Variants in ROCK2 observed in about 807,000 individuals in gnomAD.
ROCK2 encodes the protein Rho associated coiled-coil containing protein kinase 2, also known as rho-associated protein kinase 2.
ROCK2 carries 61 observed loss-of-function variants against 195.1 expected under a neutral mutation model. That is an observed-to-expected ratio of 0.31 (90% CI 0.25 to 0.39). The LOEUF (loss-of-function observed/expected upper bound fraction) is 0.39, where lower values mean the gene tolerates loss of function less well. Among genes scored for constraint, ROCK2 ranks in the 10% least tolerant of loss-of-function variants. ROCK2 has a pLI of 1.00. For synonymous variants in ROCK2, 504 were observed against 545.5 expected (o/e 0.92, Z 1.06); for missense variants, 1,109 against 1,637.4 (o/e 0.68, Z 5.57).
chr2:11,271,344 T>A (rs1666621034), intron 3 of ROCK2, among the ~76,000 whole-genome samples: 1 of 152,176 alleles, frequency 6.6e-6, no homozygotes, highest in South Asian at 2.1e-4. Flanking sequence ...CTGGGTCCCC[T>A]GCAAGTTTTT....
chr2:11,217,198 G>A (rs371015618), intron 11 of ROCK2, 29 bp from the exon 12 acceptor site: 48 of 1,117,708 alleles, frequency 4.3e-5, no homozygotes, highest in African/African-American at 4.0e-4. Context: ...CTGTAATTAC[G>A]TATTTTGGTC....
chr2:11,217,362 C>A, intron 11 of ROCK2, 193 bp from the exon 12 acceptor site: 1 of 684,438 alleles, frequency 1.5e-6, no homozygotes, highest in Non-Finnish European at 2.7e-6. Flanking sequence ...TGCTTTCTAT[C>A]AGAGTACACA....
chr2:11,229,529 C>T (rs1431487509), intron 5 of ROCK2, among the ~76,000 whole-genome samples: 1 of 149,314 alleles, frequency 6.7e-6, no homozygotes, highest in Admixed American at 6.7e-5. Context: ...TTGCATGGCT[C>T]TATCTCCTAA....
chr2:11,273,083 G>A (rs1572344108), intron 3 of ROCK2, among the ~76,000 whole-genome samples: 1 of 19,014 alleles, frequency 5.3e-5, no homozygotes, highest in African/African-American at 1.5e-4. Context: ...AGAAATGCAG[G>A]AAATAAGGGT....
chr2:11,269,087 A>G (rs888948517), intron 3 of ROCK2, among the ~76,000 whole-genome samples: 1 of 152,118 alleles, frequency 6.6e-6, no homozygotes, highest in Admixed American at 6.5e-5. Context: ...TTTCAGCTCT[A>G]GAAATTTTTT....
intron 1 of ROCK2, among the ~76,000 whole-genome samples, chr2:11,325,626 A>G (rs1182290071): frequency 1.3e-5 from 2 of 152,198 alleles, no homozygotes; most frequent in Non-Finnish European, 2.9e-5. Flanking sequence ...AAGTTAGATC[A>G]CAAACAATTT....
intron 3 of ROCK2, among the ~76,000 whole-genome samples, chr2:11,263,588 C>A: frequency 8.0e-6 from 1 of 125,266 alleles, no homozygotes; most frequent in Non-Finnish European, 1.7e-5. Context: ...TTCCTGCATC[C>A]AAAGTTTTAC....
chr2:11,237,843 C>A (rs911809967), intron 4 of ROCK2, among the ~76,000 whole-genome samples: 6 of 152,238 alleles, frequency 3.9e-5, no homozygotes. Flanking sequence ...TTTGGGAGGC[C>A]GAGGCAGGCA....
intron 21 of ROCK2, 46 bp downstream of exon 21, chr2:11,202,006 C>A: frequency 6.9e-7 from 1 of 1,443,110 alleles, no homozygotes; most frequent in Non-Finnish European, 9.8e-7. Context: ...AATATCCCAA[C>A]CAAAACTCTG....
intron 1 of ROCK2, among the ~76,000 whole-genome samples, chr2:11,317,604 ATATATATATT>A (rs1188293292): frequency 2.5e-4 from 4 of 16,192 alleles, no homozygotes; most frequent in African/African-American, 7.7e-4. Context: ...ATATATATAT[ATATATATATT>A]TTTTTTTTTT....
intron 1 of ROCK2, chr2:11,308,298 A>G: frequency 9.1e-7 from 1 of 1,102,272 alleles, no homozygotes; most frequent in Non-Finnish European, 1.4e-6. Context: ...AACCTGAAGA[A>G]GCTAGAACCA....
At chr2:11,194,405 T>C in intron 28 of ROCK2, 61 bp from the exon 29 acceptor site, 1 of 605,830 alleles carries the variant, frequency 1.7e-6, no homozygotes. Context: ...TATTTATTGA[T>C]TTTTTTGAAA....
At chr2:11,234,985 A>G (rs1665151603) in intron 5 of ROCK2, among the ~76,000 whole-genome samples, 1 of 152,170 alleles carries the variant, frequency 6.6e-6, no homozygotes, top group South Asian at 2.1e-4. Flanking sequence ...AAGATGAAAT[A>G]CAGTTTGCTG....
intron 20 of ROCK2, among the ~76,000 whole-genome samples, chr2:11,204,825 CT>C (rs1028493309): frequency 6.6e-6 from 1 of 152,138 alleles, no homozygotes; most frequent in Non-Finnish European, 1.5e-5. Context: ...TTTTACAGTG[CT>C]TTTGTTTTTC....
intron 1 of ROCK2, among the ~76,000 whole-genome samples, chr2:11,315,817 C>G (rs1668174019): frequency 6.6e-6 from 1 of 151,986 alleles, no homozygotes. Context: ...TTACATATAT[C>G]TAAAATAGAG....
chr2:11,308,041 G>T, intron 1 of ROCK2: 7 of 1,590,366 alleles, frequency 4.4e-6, no homozygotes, highest in Non-Finnish European at 6.0e-6. Context: ...GAGGTGACCC[G>T]GAGTCTGCTG....
intron 3 of ROCK2, among the ~76,000 whole-genome samples, chr2:11,283,587 C>CAATAAAGA (rs1667090063): frequency 7.9e-6 from 1 of 126,484 alleles, no homozygotes. Context: ...AAAAAAAAAG[C>CAATAAAGA]AAGAAAGAAA....
chr2:11,187,656 T>G (rs1253397994), intron 32 of ROCK2, among the ~76,000 whole-genome samples: 7 of 152,232 alleles, frequency 4.6e-5, no homozygotes, highest in Non-Finnish European at 1.0e-4. Flanking sequence ...AGATACTAAC[T>G]CATCTTTCTC....
At chr2:11,221,818 T>C (rs1199885580) in intron 8 of ROCK2, among the ~76,000 whole-genome samples, 2 of 151,770 alleles carry the variant, frequency 1.3e-5, no homozygotes, top group African/African-American at 4.8e-5. Context: ...CTGAAAATTA[T>C]TGAGATCTAC....
Sources: allele counts gnomAD v4.1 joint callset (sites outside exome capture counted in the v4.1 genomes callset), GRCh38; gene constraint gnomAD v4.1.1; transcripts MANE v1.5; gene names NCBI Gene and HGNC (gene_info 2026-07-23, HGNC 2026-07-21).